DNAJC11: variants seen among roughly 807,000 people sequenced by gnomAD.
DNAJC11 encodes DnaJ heat shock protein family (Hsp40) member C11.
DNAJC11 carries 15 observed loss-of-function variants against 78.6 expected under a neutral mutation model. The ratio of observed to expected loss-of-function variants is 0.19; its 90% CI spans 0.13 to 0.29. DNAJC11 has a LOEUF of 0.29. DNAJC11 is among the 10% of genes least tolerant of loss of function. DNAJC11 has a pLI of 1.00. For missense variants in DNAJC11, 547 were observed against 709.6 expected, an observed-to-expected ratio of 0.77 and a Z score of 2.60; for synonymous variants, 292 against 272.1, an observed-to-expected ratio of 1.07 and a Z score of -0.72.
At chr1:6,676,566 G>C (rs1022816625) in intron 3 of DNAJC11, among the ~76,000 whole-genome samples, 3 of 152,094 alleles carry the variant, frequency 2.0e-5, no homozygotes, top group African/African-American at 7.2e-5. Flanking sequence ...TGTAGTCGCA[G>C]CTACTTGGGA....
intron 1 of DNAJC11, among the ~76,000 whole-genome samples, chr1:6,682,035 A>G (rs1006334659): frequency 6.6e-6 from 1 of 151,976 alleles, no homozygotes; most frequent in African/African-American, 2.4e-5. Flanking sequence ...TGCCAACTGA[A>G]CAGAAGAATA....
intron 7 of DNAJC11, among the ~76,000 whole-genome samples, chr1:6,648,887 A>AC (rs1372428184): frequency 2.6e-5 from 4 of 152,192 alleles, no homozygotes; most frequent in Admixed American, 6.5e-5. Flanking sequence ...CCCTTTGCAG[A>AC]CCCAGTAGGT....
intron 2 of DNAJC11, among the ~76,000 whole-genome samples, chr1:6,679,670 A>G (rs1188176227): frequency 6.6e-6 from 1 of 152,252 alleles, no homozygotes; most frequent in Non-Finnish European, 1.5e-5. Flanking sequence ...CCAGCATTTA[A>G]TAAGGAATTA....
At chr1:6,686,540 C>A (rs954509056) in intron 1 of DNAJC11, among the ~76,000 whole-genome samples, 4 of 152,196 alleles carry the variant, frequency 2.6e-5, no homozygotes, top group African/African-American at 9.7e-5. Flanking sequence ...GAGGGGACAG[C>A]AGGCTCCCTG....
At chr1:6,650,469 GGGA>G (rs1201245016) in intron 7 of DNAJC11, among the ~76,000 whole-genome samples, 10 of 152,144 alleles carry the variant, frequency 6.6e-5, no homozygotes, top group South Asian at 2.1e-4. Context: ...GGGAGGCTGA[GGGA>G]GGAGGACTGC....
intron 4 of DNAJC11, chr1:6,654,322 T>TA (rs1253250902): frequency 3.4e-6 from 1 of 294,138 alleles, no homozygotes; most frequent in South Asian, 3.7e-5. Context: ...ACAAAAGTGT[T>TA]AGTCAAAGGA....
At chr1:6,636,435 A>G (rs1377009900) in intron 14 of DNAJC11, among the ~76,000 whole-genome samples, 189 bp from the exon 15 acceptor site, 3 of 152,192 alleles carry the variant, frequency 2.0e-5, no homozygotes, top group African/African-American at 7.2e-5. Context: ...TAAAGGCCCT[A>G]TCCTCACACT....
intron 10 of DNAJC11, among the ~76,000 whole-genome samples, chr1:6,642,734 G>A (rs909051410): frequency 6.6e-6 from 1 of 152,192 alleles, no homozygotes; most frequent in African/African-American, 2.4e-5. Context: ...AGCAGGTTCT[G>A]AAGGTTCTTC....
intron 1 of DNAJC11, among the ~76,000 whole-genome samples, chr1:6,697,980 C>T (rs969339429): frequency 7.2e-5 from 11 of 152,058 alleles, no homozygotes; most frequent in Admixed American, 3.3e-4. Flanking sequence ...TTAGTACAGA[C>T]GGGGTTTCAC....
intron 1 of DNAJC11, among the ~76,000 whole-genome samples, chr1:6,700,655 AATGAG>A (rs1234490803): frequency 4.6e-5 from 7 of 152,198 alleles, no homozygotes; most frequent in African/African-American, 9.6e-5. Context: ...CTCAGAATTA[AATGAG>A]ATAACAGTAC....
At chr1:6,646,961 C>T (rs1050109072) in intron 7 of DNAJC11, among the ~76,000 whole-genome samples, 1 of 151,962 alleles carries the variant, frequency 6.6e-6, no homozygotes, top group Non-Finnish European at 1.5e-5. Flanking sequence ...TCAAGGACAG[C>T]CTGGACAACA....
At chr1:6,638,385 G>A (rs752910813) in intron 11 of DNAJC11, 21 bp from the exon 12 acceptor site, 4 of 1,609,792 alleles carry the variant, frequency 2.5e-6, no homozygotes, top group Admixed American at 3.3e-5. Context: ...AGGAACACAA[G>A]CCCCACGTTA....
At chr1:6,675,289 GA>G (rs755060430) in intron 3 of DNAJC11, among the ~76,000 whole-genome samples, 2,750 of 117,588 alleles carry the variant, frequency 0.023, 35 homozygotes, top group African/African-American at 0.054. Context: ...GTATCCACAT[GA>G]AAAAAAAAAA....
At position 6,659,809 on chromosome 1, in the gene DNAJC11, G is replaced by A. The variant is rs558064789; in HGVS notation, c.379-5770C>T. On this transcript the variant is annotated intron_variant, in intron 4 of 15. Transcript: ENST00000377577. ...ACGGTGGCTCACGCCTGTAATCCCA[G>A]CACTTTGGGAGGCTGAGGCGGGCAG... Among the ~76,000 whole-genome samples the A allele has an allele frequency of 1.7e-3, 258 of 152,026 alleles. 1 individual carries two copies. The highest frequency in any genetic ancestry group is 5.6e-3 in the African/African-American group (231 of 41,446).
chr1:6,672,987 G>C (rs1029752592), intron 3 of DNAJC11, among the ~76,000 whole-genome samples: 1 of 152,160 alleles, frequency 6.6e-6, no homozygotes, highest in East Asian at 1.9e-4. Context: ...CCTGAGGTCA[G>C]GTGTTTGAGA....
rs1040171432 is a variant in DNAJC11 at position 6,664,384 on chromosome 1, C to T, written c.378+3325G>A. Among the ~76,000 whole-genome samples, 4 of 152,070 alleles carry T rather than the reference C, an allele frequency of 2.6e-5. No individual in the cohort carries two copies. In the East Asian group the frequency reaches 7.8e-4, roughly 29 times the overall value. ...CCTCCTGAGTAGCTGGGACTACAGG[C>T]GCCTGCCACCACACCCGGCTAATTT... is the stretch of plus-strand genomic sequence containing the variant. On this transcript the variant is annotated intron_variant, in intron 4 of 15. Coordinates refer to ENST00000377577, the MANE Select transcript of DNAJC11 (RefSeq NM_018198.4).
Position 6,637,241 on chromosome 1 carries a change from C to T in DNAJC11, c.1481G>A (p.Cys494Tyr), listed in dbSNP as rs935404368. The change falls in exon 14 of 16, where the codon TGC becomes TAC. Residue 494 changes from cysteine to tyrosine, a missense_variant. Cys to Tyr is a radical substitution (Grantham distance 194). Transcript: ENST00000377577. ...GATGAGCTTCGAGTCCTTCACCAGG[C>T]ACTGCAGGGGCACAGTCACGTCAAT... ...KVIDVTVPLQ[C>Y]LVKDSKLILT... The T allele has an allele frequency of 6.2e-7, 1 of 1,614,212 alleles. No homozygotes were observed. The highest frequency in any genetic ancestry group is 8.5e-7 in the Non-Finnish European group (1 of 1,180,038).
intron 3 of DNAJC11, among the ~76,000 whole-genome samples, chr1:6,676,872 CTAAACATTGAAT>C (rs1345449398): frequency 2.0e-5 from 3 of 152,054 alleles, no homozygotes; most frequent in East Asian, 3.9e-4. Flanking sequence ...ATGCTTGAGA[CTAAACATTGAAT>C]GAACTTTGGC....
intron 3 of DNAJC11, among the ~76,000 whole-genome samples, chr1:6,674,617 T>A (rs974884941): frequency 2.6e-5 from 4 of 151,918 alleles, no homozygotes; most frequent in African/African-American, 9.7e-5. Flanking sequence ...TAGTCTCAGC[T>A]ACTTGAGAGG....
Sources: gnomAD v4.1 joint callset for allele counts (sites outside exome capture counted in the v4.1 genomes callset) on GRCh38, gnomAD v4.1.1 for gene constraint, MANE v1.5 for transcripts, NCBI Gene and HGNC (gene_info 2026-07-23, HGNC 2026-07-21) for gene names.